PITPNC1: variants seen among roughly 807,000 people sequenced by gnomAD.
PITPNC1 encodes cytoplasmic phosphatidylinositol transfer protein 1.
PITPNC1 carries 18 observed loss-of-function variants against 44.7 expected under a neutral mutation model. That is an observed-to-expected ratio of 0.40 (90% confidence interval 0.28 to 0.60). The LOEUF (loss-of-function observed/expected upper bound fraction) is 0.60, where lower values mean the gene tolerates loss of function less well. Ranked by LOEUF, PITPNC1 falls within the 20% of genes least tolerant of loss-of-function variation. PITPNC1 has a pLI of 0.39. For missense variants in PITPNC1, 290 were observed against 418.4 expected (o/e 0.69, Z 2.68); for synonymous variants, 141 against 149.6 (o/e 0.94, Z 0.42).
At chr17:67,547,799 A>G (rs2040704426) in intron 2 of PITPNC1, among the ~76,000 whole-genome samples, 2 of 152,196 alleles carry the variant, frequency 1.3e-5, no homozygotes, top group African/African-American at 4.8e-5. Context: ...AAACACCCAT[A>G]ACCTGAGACC....
At chr17:67,608,579 C>T (rs1199298519) in intron 5 of PITPNC1, among the ~76,000 whole-genome samples, 1 of 151,466 alleles carries the variant, frequency 6.6e-6, no homozygotes, top group Non-Finnish European at 1.5e-5. Context: ...CAACCTCCAC[C>T]TCTTGAGCTC....
intron 5 of PITPNC1, among the ~76,000 whole-genome samples, chr17:67,581,984 G>A (rs2041240972): frequency 6.6e-6 from 1 of 152,060 alleles, no homozygotes; most frequent in African/African-American, 2.4e-5. Flanking sequence ...CGTGAGCAGA[G>A]ATTGCGCCAC....
intron 1 of PITPNC1, among the ~76,000 whole-genome samples, chr17:67,461,049 A>G (rs2039330698): frequency 6.6e-6 from 1 of 152,014 alleles, no homozygotes; most frequent in Non-Finnish European, 1.5e-5. Context: ...GGCCAGTGTG[A>G]CCAAAACTTT....
At chr17:67,523,722 C>A in intron 1 of PITPNC1, among the ~76,000 whole-genome samples, 1 of 151,876 alleles carries the variant, frequency 6.6e-6, no homozygotes, top group Admixed American at 6.6e-5. Flanking sequence ...CAGGTAATAG[C>A]CAGTCCTCAG....
In PITPNC1 at chr17:67,686,019, C is replaced by T. The variant is rs181759165; in HGVS notation, c.683-6553C>T. 3.2e-3 allele frequency among the ~76,000 whole-genome samples: 488 copies of T among 151,694 alleles called. 4 individuals carry two copies. The highest frequency in any genetic ancestry group is 0.011 in the African/African-American group (458 of 41,292). On this transcript the variant is annotated intron_variant, in intron 8 of 8. Coordinates refer to ENST00000581322, the MANE Select transcript of PITPNC1 (RefSeq NM_012417.4). ...CTAATTTTTGTATTTTTAGTAGAGA[C>T]GGTGTTTCACCATGTTGTCCAGGCT... is the stretch of plus-strand genomic sequence containing the variant.
At position 67,387,202 on chromosome 17, in the gene PITPNC1, G is replaced by A. The variant is rs189430151; in HGVS notation, c.48+9000G>A. On this transcript the variant is annotated intron_variant, in intron 1 of 8. Coordinates refer to ENST00000581322, the MANE Select transcript of PITPNC1 (RefSeq NM_012417.4). The stretch of plus-strand genomic sequence containing the variant: ...CCAGTGGGAGTAGAGCAGTGTGATG[G>A]CCTGCAACTGACCAACCTGCCTTTT... Among the ~76,000 whole-genome samples, 60 of 152,298 alleles carry A rather than the reference G, an allele frequency of 3.9e-4. No individual in the cohort carries two copies. The East Asian group carries it at 9.8e-3, about 25-fold the overall frequency.
intron 5 of PITPNC1, among the ~76,000 whole-genome samples, chr17:67,623,483 G>T (rs551858441): frequency 6.6e-6 from 1 of 152,118 alleles, no homozygotes; most frequent in Admixed American, 6.6e-5. Context: ...GGGTTCAAAC[G>T]ATTCTCCTGC....
In PITPNC1 at chr17:67,550,877, C is replaced by T. The variant is rs567998001; in HGVS notation, c.198-1380C>T. The stretch of plus-strand genomic sequence containing the variant: ...GAGATCGAGACCATCCTGGCTAATA[C>T]GGTGAAACCCCGTCTCTACTAAAAA... On this transcript the variant is annotated intron_variant, in intron 2 of 8. Coordinates refer to ENST00000581322, the MANE Select transcript of PITPNC1 (RefSeq NM_012417.4). 2.8e-3 allele frequency among the ~76,000 whole-genome samples: 421 copies of T among 152,136 alleles called. 2 individuals are homozygous for T. Among genetic ancestry groups the T allele is most frequent in the African/African-American group, 9.9e-3 (409 of 41,506 alleles).
chr17:67,599,321 T>C (rs1215446328), intron 5 of PITPNC1, among the ~76,000 whole-genome samples: 1 of 151,936 alleles, frequency 6.6e-6, no homozygotes, highest in Admixed American at 6.6e-5. Context: ...GAATTTGGTA[T>C]ATAAATCCAA....
chr17:67,675,800 C>T (rs1478834952), intron 8 of PITPNC1, among the ~76,000 whole-genome samples: 1 of 152,206 alleles, frequency 6.6e-6, no homozygotes, highest in African/African-American at 2.4e-5. Flanking sequence ...ATGGCTCCAT[C>T]ATTCTCTGTT....
chr17:67,437,938 A>G (rs904436386), intron 1 of PITPNC1, among the ~76,000 whole-genome samples: 122 of 152,152 alleles, frequency 8.0e-4, no homozygotes, highest in Middle Eastern at 3.4e-3. Context: ...GCGTGGTGGC[A>G]CACATCTGTA....
chr17:67,386,524 C>T (rs2038056469), intron 1 of PITPNC1, among the ~76,000 whole-genome samples: 1 of 152,162 alleles, frequency 6.6e-6, no homozygotes, highest in Non-Finnish European at 1.5e-5. Flanking sequence ...AAACATTCAA[C>T]CTCTTTAAGA....
chr17:67,450,911 A>G (rs988607545), intron 1 of PITPNC1, among the ~76,000 whole-genome samples: 3 of 152,098 alleles, frequency 2.0e-5, no homozygotes, highest in Admixed American at 6.6e-5. Context: ...TTCTGCCTCT[A>G]TGAATTGGCC....
At position 67,641,109 on chromosome 17, in the gene PITPNC1, T is replaced by C. The variant is rs60550733; in HGVS notation, c.462+8871T>C. On this transcript the variant is annotated intron_variant, in intron 6 of 8. Coordinates refer to ENST00000581322, the MANE Select transcript of PITPNC1 (RefSeq NM_012417.4). The stretch of plus-strand genomic sequence containing the variant: ...ATTCACACAGTCATGTGTGATCTAC[T>C]TTCCTCAAACTTGTACACATAGTCA... Among the ~76,000 whole-genome samples, 617 of 152,314 alleles carry C rather than the reference T, an allele frequency of 4.1e-3. 4 individuals are homozygous for C. Among genetic ancestry groups the C allele is most frequent in the African/African-American group, 0.014 (589 of 41,560 alleles).
chr17:67,613,821 T>TC (rs2041720786), intron 5 of PITPNC1: 1 of 94,330 alleles, frequency 1.1e-5, no homozygotes, highest in African/African-American at 4.3e-5. Flanking sequence ...AGACTCCGTC[T>TC]CAAAAAAAAA....
intron 8 of PITPNC1, among the ~76,000 whole-genome samples, chr17:67,680,286 A>G (rs898843447): frequency 1.3e-4 from 20 of 152,046 alleles, no homozygotes; most frequent in African/African-American, 4.3e-4. Flanking sequence ...CCTGCTCCCA[A>G]TTAAAAACTA....
At chr17:67,546,049 C>T (rs942320098) in intron 2 of PITPNC1, among the ~76,000 whole-genome samples, 11 of 151,644 alleles carry the variant, frequency 7.3e-5, no homozygotes, top group African/African-American at 2.4e-4. Flanking sequence ...AAAAATTAAC[C>T]GGGAGTGGTG....
chr17:67,525,335 G>T (rs2040378897), intron 1 of PITPNC1: 1 of 152,194 alleles, frequency 6.6e-6, no homozygotes, highest in Non-Finnish European at 1.5e-5. Context: ...CAGCCTTGGG[G>T]GTTACACAGT....
intron 1 of PITPNC1, among the ~76,000 whole-genome samples, chr17:67,531,720 C>T (rs927293936): frequency 3.9e-5 from 6 of 152,140 alleles, no homozygotes; most frequent in African/African-American, 1.2e-4. Flanking sequence ...GGAATAACCC[C>T]GAGTCCTCAT....
Sources: allele counts gnomAD v4.1 joint callset (sites outside exome capture counted in the v4.1 genomes callset), GRCh38; gene constraint gnomAD v4.1.1; transcripts MANE v1.5; gene names NCBI Gene and HGNC (gene_info 2026-07-23, HGNC 2026-07-21).